NALCN: variants seen among roughly 807,000 people sequenced by gnomAD.
NALCN encodes sodium leak channel, non-selective, also known as sodium leak channel NALCN.
NALCN carries 111 observed loss-of-function variants against 225.3 expected under a neutral mutation model. That is an observed-to-expected ratio of 0.49 (90% CI 0.42 to 0.58). NALCN has a LOEUF of 0.58. Ranked by LOEUF, NALCN falls within the 20% of genes least tolerant of loss-of-function variation. NALCN has a pLI of 0.00. For missense variants in NALCN, 1,378 were observed against 2,202.4 expected, an observed-to-expected ratio of 0.63 and a Z score of 7.49; for synonymous variants, 764 against 769.0, an observed-to-expected ratio of 0.99 and a Z score of 0.11.
intron 11 of NALCN, among the ~76,000 whole-genome samples, chr13:101,255,071 G>A (rs1033623816): frequency 1.3e-5 from 2 of 151,820 alleles, no homozygotes; most frequent in African/African-American, 4.8e-5. Flanking sequence ...TTATTGTCAG[G>A]GGACAACAAT....
chr13:101,065,315 C>T (rs2032284048), intron 40 of NALCN, 89 bp downstream of exon 40: 1 of 1,414,998 alleles, frequency 7.1e-7, no homozygotes, highest in South Asian at 1.3e-5. Context: ...GGGTTGGAAA[C>T]ACACTTGTTA....
In NALCN at chr13:101,192,004, T is replaced by TA. The variant is rs2039701614; in HGVS notation, c.1676dup (p.Met560AsnfsTer46). The TA allele has an allele frequency of 6.3e-7, 1 of 1,597,472 alleles. No homozygotes were observed. The highest frequency in any genetic ancestry group is 1.4e-5 in the African/African-American group (1 of 73,332). ...CCACAGCATTTAGAGTTTGGTCCAT[T>TA]ACGTCCACCCATCCTTCCTGGGTGA... On this transcript the variant is annotated frameshift_variant, in exon 14 of 44. Transcript: ENST00000251127. LOFTEE classifies it high-confidence loss of function.
intron 7 of NALCN, among the ~76,000 whole-genome samples, chr13:101,319,392 C>T (rs1352841260): frequency 6.6e-6 from 1 of 152,198 alleles, no homozygotes; most frequent in Admixed American, 6.5e-5. Flanking sequence ...GACTCAACCA[C>T]ACAGGACACC....
At chr13:101,260,503 C>G (rs915723124) in intron 10 of NALCN, among the ~76,000 whole-genome samples, 15 of 152,154 alleles carry the variant, frequency 9.9e-5, no homozygotes, top group Non-Finnish European at 2.2e-4. Context: ...TAGAAGGGTT[C>G]CCTTTTCTTC....
intron 13 of NALCN, among the ~76,000 whole-genome samples, chr13:101,221,886 T>C (rs2040954582): frequency 6.6e-6 from 1 of 152,206 alleles, no homozygotes; most frequent in South Asian, 2.1e-4. Context: ...ATATTTCCGA[T>C]TATGGGTAGC....
chr13:101,387,820 A>G (rs1038214397), intron 3 of NALCN, among the ~76,000 whole-genome samples: 1 of 152,218 alleles, frequency 6.6e-6, no homozygotes, highest in African/African-American at 2.4e-5. Flanking sequence ...AAACACCTAC[A>G]ATATGTACAA....
intron 13 of NALCN, among the ~76,000 whole-genome samples, chr13:101,221,108 C>T (rs953267708): frequency 3.9e-5 from 6 of 151,964 alleles, no homozygotes; most frequent in African/African-American, 1.4e-4. Flanking sequence ...TTATTCACAA[C>T]TCCAAAATTT....
At chr13:101,299,129 T>C (rs1418078812) in intron 7 of NALCN, among the ~76,000 whole-genome samples, 1 of 152,228 alleles carries the variant, frequency 6.6e-6, no homozygotes, top group African/African-American at 2.4e-5. Context: ...AGCTCAATAG[T>C]ACCATTACAT....
At chr13:101,324,651 C>T (rs2044876894) in intron 7 of NALCN, among the ~76,000 whole-genome samples, 1 of 152,102 alleles carries the variant, frequency 6.6e-6, no homozygotes, top group African/African-American at 2.4e-5. Context: ...GCTGAAGTTG[C>T]CTATCAGCTT....
chr13:101,150,831 T>C (rs1268054189), intron 15 of NALCN, among the ~76,000 whole-genome samples: 1 of 152,090 alleles, frequency 6.6e-6, no homozygotes, highest in Non-Finnish European at 1.5e-5. Flanking sequence ...TAATTGTAAA[T>C]GTCCATTTAA....
chr13:101,170,967 C>T (rs2038683885), intron 15 of NALCN, among the ~76,000 whole-genome samples: 1 of 152,166 alleles, frequency 6.6e-6, no homozygotes, highest in Non-Finnish European at 1.5e-5. Flanking sequence ...GAATTCTCTT[C>T]ATATTCAAAC....
At chr13:101,088,151 G>T (rs1026441459) in intron 30 of NALCN, among the ~76,000 whole-genome samples, 17 of 152,090 alleles carry the variant, frequency 1.1e-4, no homozygotes, top group African/African-American at 4.1e-4. Flanking sequence ...CCATGTTTCT[G>T]AGGGTCCAAG....
intron 12 of NALCN, among the ~76,000 whole-genome samples, chr13:101,230,733 T>C (rs9518346): frequency 0.47 from 71,559 of 152,038 alleles, 17,068 homozygotes; most frequent in East Asian, 0.59. Context: ...CCTGCATACT[T>C]ACCAACTGCT....
chr13:101,406,419 C>T (rs74867020), intron 1 of NALCN, among the ~76,000 whole-genome samples: 6,789 of 152,168 alleles, frequency 0.045, 487 homozygotes, highest in African/African-American at 0.15. Context: ...AGAGACAAGA[C>T]GGGACAATGT....
At chr13:101,072,471 T>A (rs1042896034) in intron 37 of NALCN, among the ~76,000 whole-genome samples, 14 of 152,242 alleles carry the variant, frequency 9.2e-5, no homozygotes, top group African/African-American at 3.4e-4. Context: ...TGCCGACACC[T>A]CTGAGAGAAC....
intron 1 of NALCN, among the ~76,000 whole-genome samples, chr13:101,414,885 T>C (rs1347262578): frequency 6.6e-6 from 1 of 152,174 alleles, no homozygotes; most frequent in Non-Finnish European, 1.5e-5. Flanking sequence ...CTTTTCACTT[T>C]TTAAGTTTTT....
intron 14 of NALCN, chr13:101,181,376 G>T: frequency 2.0e-6 from 1 of 511,272 alleles, no homozygotes; most frequent in South Asian, 1.4e-5. Context: ...GTTTCTTTCT[G>T]CTAAATTTTT....
At chr13:101,390,641 A>G (rs763304883) in intron 3 of NALCN, among the ~76,000 whole-genome samples, 2 of 152,104 alleles carry the variant, frequency 1.3e-5, no homozygotes, top group Non-Finnish European at 2.9e-5. Context: ...TTCCGTATTC[A>G]GGAGAAAAGA....
chr13:101,065,196 C>A (rs1159207894), intron 40 of NALCN, among the ~76,000 whole-genome samples: 1 of 152,228 alleles, frequency 6.6e-6, no homozygotes, highest in Admixed American at 6.5e-5. Context: ...GCCCAGCCCT[C>A]CCCTGCGAGG....
Sources: gnomAD v4.1 joint callset for allele counts (sites outside exome capture counted in the v4.1 genomes callset) on GRCh38, gnomAD v4.1.1 for gene constraint, MANE v1.5 for transcripts, NCBI Gene and HGNC (gene_info 2026-07-23, HGNC 2026-07-21) for gene names.